Variants in DCAF8 observed in about 807,000 individuals in gnomAD.
DCAF8 encodes DDB1- and CUL4-associated factor 8.
A neutral mutation model predicts 68.0 loss-of-function variants in DCAF8; 20 were observed. The observed-to-expected ratio is 0.29, with a 90% confidence interval of 0.21 to 0.43. The LOEUF (loss-of-function observed/expected upper bound fraction) is 0.43, where lower values mean the gene tolerates loss of function less well. DCAF8 is among the 20% of genes least tolerant of loss of function. The pLI, the probability that DCAF8 is intolerant of heterozygous loss-of-function variation, is 1.00. For missense variants in DCAF8, 460 were observed against 771.0 expected (o/e 0.60, Z 4.78); for synonymous variants, 230 against 276.9 (o/e 0.83, Z 1.68).
At position 160,238,605 on chromosome 1, in the gene DCAF8, A is replaced by G; in HGVS notation, c.864+2T>C. 1 of 1,598,672 alleles carries G rather than the reference A, an allele frequency of 6.3e-7. No individual in the cohort carries two copies. Among genetic ancestry groups the G allele is most frequent in the Non-Finnish European group, 8.5e-7 (1 of 1,172,900 alleles). On this transcript the variant is annotated splice_donor_variant, in intron 5 of 13. Transcript: ENST00000368074. LOFTEE classifies it high-confidence loss of function. ...CAAATTTTGGAGCAAGGTCTTACTT[A>G]CCTTGTGGGACGCTCCCTTGTGCTG...
Position 160,217,461 on chromosome 1 carries a change from G to A in DCAF8, c.*131C>T. The A allele has an allele frequency of 1.6e-6, 1 of 623,818 alleles. No homozygotes were observed. Among genetic ancestry groups the A allele is most frequent in the Non-Finnish European group, 2.8e-6 (1 of 360,406 alleles). The allele number at this position is 623,818 out of a possible 1,614,324, so 38.6% of individuals were successfully genotyped here. A position where few individuals can be genotyped will look rare whatever the true frequency, so the allele number is the denominator to read the frequency against. On this transcript the variant is annotated 3_prime_UTR_variant, in exon 14 of 14. Transcript: ENST00000368074. ...CTCCTCTGGTTTGTCCTTCTCCTGGGATGTCTTTCTTTTATCTAAAGCAAA... is the reference window on the plus strand; with the variant it reads ...CTCCTCTGGTTTGTCCTTCTCCTGGAATGTCTTTCTTTTATCTAAAGCAAA...
At chr1:160,253,003 G>T (rs548360161) in intron 2 of DCAF8, among the ~76,000 whole-genome samples, 2 of 152,138 alleles carry the variant, frequency 1.3e-5, no homozygotes, top group African/African-American at 4.8e-5. Flanking sequence ...TCTGTACAGA[G>T]AAACTTCAAA....
chr1:160,246,040 A>T (rs868630110), intron 2 of DCAF8, among the ~76,000 whole-genome samples: 6 of 152,118 alleles, frequency 3.9e-5, no homozygotes, highest in Admixed American at 3.9e-4. Context: ...AGGGAGGGTG[A>T]GGCAGGGGAA....
intron 12 of DCAF8, 28 bp from the exon 13 acceptor site, chr1:160,218,468 G>C: frequency 6.4e-7 from 1 of 1,565,992 alleles, no homozygotes. Context: ...TGGGAAGAGG[G>C]GGCAGCAATG....
chr1:160,244,636 G>C (rs1170425356), intron 2 of DCAF8, among the ~76,000 whole-genome samples: 1 of 134,164 alleles, frequency 7.5e-6, no homozygotes, highest in African/African-American at 2.9e-5. Flanking sequence ...TTTTTTTTTT[G>C]AGACAGAGTC....
At chr1:160,230,088 G>T (rs1230527535) in intron 7 of DCAF8, among the ~76,000 whole-genome samples, 1 of 152,092 alleles carries the variant, frequency 6.6e-6, no homozygotes, top group Non-Finnish European at 1.5e-5. Context: ...AATTTTGAAG[G>T]CATGGGAATA....
intron 2 of DCAF8, among the ~76,000 whole-genome samples, chr1:160,250,955 C>T (rs187253660): frequency 5.9e-5 from 9 of 152,210 alleles, no homozygotes; most frequent in Non-Finnish European, 1.0e-4. Flanking sequence ...GAAACATCAA[C>T]GTGTAAATAT....
In DCAF8 at chr1:160,225,513, A is replaced by AC. The variant is rs142744523; in HGVS notation, c.1143+77dup. The AC allele has an allele frequency of 1.5e-3, 1,698 of 1,159,802 alleles. 25 individuals carry two copies. The African/African-American group carries it at 0.024, about 16-fold the overall frequency. 71.8% of individuals were successfully genotyped at this position (1,159,802 alleles called of 1,614,324 possible). A position where few individuals can be genotyped will look rare whatever the true frequency, so the allele number is the denominator to read the frequency against. ...TGACTTGAAAGTCCAAGCTCTTCCC[A>AC]CCATACCAACAAGTTCAGGTGCAGC... On this transcript the variant is annotated intron_variant, in intron 8 of 13. Transcript: ENST00000368074.
chr1:160,243,868 C>T, intron 3 of DCAF8, 92 bp downstream of exon 3: 1 of 1,281,734 alleles, frequency 7.8e-7, no homozygotes, highest in Non-Finnish European at 1.1e-6. Context: ...TCCCTCTCTC[C>T]ACTAAAATCC....
At chr1:160,238,259 G>T (rs1045780219) in intron 5 of DCAF8, among the ~76,000 whole-genome samples, 7 of 152,124 alleles carry the variant, frequency 4.6e-5, no homozygotes, top group African/African-American at 1.4e-4. Flanking sequence ...TCACACAAGA[G>T]GAATAAACCA....
intron 2 of DCAF8, among the ~76,000 whole-genome samples, chr1:160,259,223 C>T (rs1656957872): frequency 6.6e-6 from 1 of 152,142 alleles, no homozygotes; most frequent in African/African-American, 2.4e-5. Flanking sequence ...TTAAGACGGT[C>T]CAGCTGTGGA....
chr1:160,221,850 A>G (rs1655308001), intron 11 of DCAF8, among the ~76,000 whole-genome samples: 1 of 150,726 alleles, frequency 6.6e-6, no homozygotes, highest in African/African-American at 2.4e-5. Flanking sequence ...AGATAAGGTT[A>G]ACCAGATACA....
intron 5 of DCAF8, among the ~76,000 whole-genome samples, 171 bp from the exon 6 acceptor site, chr1:160,237,400 T>G (rs893625981): frequency 6.6e-6 from 1 of 152,258 alleles, no homozygotes; most frequent in Non-Finnish European, 1.5e-5. Context: ...CCACTTACTC[T>G]TGTTCTATGC....
chr1:160,247,217 C>T (rs1307377546), intron 2 of DCAF8, among the ~76,000 whole-genome samples: 1 of 152,196 alleles, frequency 6.6e-6, no homozygotes, highest in Admixed American at 6.5e-5. Flanking sequence ...AGATTAGCTC[C>T]ACTGTTCCTA....
intron 2 of DCAF8, among the ~76,000 whole-genome samples, chr1:160,245,951 C>G (rs778642785): frequency 6.6e-6 from 1 of 152,072 alleles, no homozygotes; most frequent in African/African-American, 2.4e-5. Flanking sequence ...CCAGCCTGAG[C>G]AACATGGAGA....
rs535550586 is a variant in DCAF8 at position 160,236,313 on chromosome 1, CGT to C, written c.959+820_959+821del. On this transcript the variant is annotated intron_variant, in intron 6 of 13. Transcript: ENST00000368074. ...ACGTATATATATACATACATATATA[CGT>C]GTGTGTATATAAATACATATGTGTG... Among the ~76,000 whole-genome samples the C allele has an allele frequency of 4.2e-4, 63 of 149,844 alleles. No homozygotes were observed. The South Asian group carries it at 4.6e-3, about 11-fold the overall frequency.
chr1:160,242,266 A>C (rs955944571), intron 3 of DCAF8, among the ~76,000 whole-genome samples: 1 of 151,580 alleles, frequency 6.6e-6, no homozygotes, highest in African/African-American at 2.4e-5. Context: ...AAAAAGCCTC[A>C]ACTAAGAGCA....
intron 2 of DCAF8, among the ~76,000 whole-genome samples, chr1:160,253,288 T>A (rs10908772): frequency 1.3e-5 from 2 of 151,776 alleles, no homozygotes; most frequent in South Asian, 4.1e-4. Context: ...ATCGCTTGAG[T>A]CCAGGAATTT....
intron 12 of DCAF8, 56 bp downstream of exon 12, chr1:160,218,793 A>T: frequency 1.2e-6 from 2 of 1,606,584 alleles, no homozygotes; most frequent in Non-Finnish European, 1.7e-6. Context: ...TGACAATAAG[A>T]ATCAACAGTA....
Sources: gnomAD v4.1 joint callset for allele counts (sites outside exome capture counted in the v4.1 genomes callset) on GRCh38, gnomAD v4.1.1 for gene constraint, MANE v1.5 for transcripts, NCBI Gene and HGNC (gene_info 2026-07-23, HGNC 2026-07-21) for gene names.